The following MAP3K14 variants were observed in gnomAD, a reference collection of about 807,000 sequenced individuals.
MAP3K14 encodes the protein NF-kappa-beta-inducing kinase.
In MAP3K14, 16 loss-of-function variants were observed where a neutral mutation model predicts 99.2. The ratio of observed to expected loss-of-function variants is 0.16; its 90% CI spans 0.11 to 0.24. The LOEUF is 0.24. MAP3K14 is among the 10% of genes least tolerant of loss of function. The pLI, the probability that MAP3K14 is intolerant of heterozygous loss-of-function variation, is 1.00. For synonymous variants in MAP3K14, 462 were observed against 492.4 expected (o/e 0.94, Z 0.82); for missense variants, 784 against 1,208.7 (o/e 0.65, Z 5.21).
At position 45,287,322 on chromosome 17, in the gene MAP3K14, A is replaced by G. The variant is rs753259150; in HGVS notation, c.369T>C (p.His123=). 9.3e-6 allele frequency: 15 copies of G among 1,613,864 alleles called. No homozygotes were observed. In the African/African-American group the frequency reaches 1.7e-4, roughly 19 times the overall value. The change falls in exon 4 of 16, where the codon CAT becomes CAC. Residue 123 remains histidine (H), a synonymous_variant. Transcript: ENST00000344686. ...CACGGGCCATTTTGCCCTCTGTAGCATGGGCCACATTGTTGGGGATCTGAT... is the reference window on the plus strand; with the variant it reads ...CACGGGCCATTTTGCCCTCTGTAGCGTGGGCCACATTGTTGGGGATCTGAT... ...SLDQIPNNVA[H]ATEGKMARVC... is the part of the protein sequence containing the mutation.
intron 10 of MAP3K14, 191 bp downstream of exon 10, chr17:45,270,867 T>A (rs1325045070): frequency 1.2e-6 from 1 of 856,056 alleles, no homozygotes; most frequent in Non-Finnish European, 1.8e-6. Flanking sequence ...ATGAACTTGG[T>A]GAGCCTCCGC....
intron 6 of MAP3K14, among the ~76,000 whole-genome samples, chr17:45,283,243 G>A (rs565587299): frequency 4.6e-5 from 7 of 152,186 alleles, no homozygotes; most frequent in Non-Finnish European, 1.0e-4. Context: ...TCTCAAGAGG[G>A]ACAGCTGAGC....
chr17:45,316,183 T>C (rs1467677487), intron 1 of MAP3K14, among the ~76,000 whole-genome samples: 2 of 152,200 alleles, frequency 1.3e-5, no homozygotes, highest in Non-Finnish European at 2.9e-5. Flanking sequence ...AGAGCAACTT[T>C]TTAACCTCGA....
At position 45,264,265 on chromosome 17, in the gene MAP3K14, C is replaced by T. The variant is rs1400604005; in HGVS notation, c.*371G>A. Reference sequence around the variant, plus strand: ...TGAGGGGCCGAGGGGCTCGCCCACCCCTTCTGACCCAGGCTGGAAGCTGCT... The same window carrying T: ...TGAGGGGCCGAGGGGCTCGCCCACCTCTTCTGACCCAGGCTGGAAGCTGCT... On this transcript the variant is annotated 3_prime_UTR_variant, in exon 16 of 16. Transcript: ENST00000344686. The T allele has an allele frequency of 5.3e-6, 1 of 189,502 alleles. No individual in the cohort carries two copies. The highest frequency in any genetic ancestry group is 2.3e-5 in the African/African-American group (1 of 42,556). 11.7% of individuals were successfully genotyped at this position (189,502 alleles called of 1,614,324 possible). A position where few individuals can be genotyped will look rare whatever the true frequency, so the allele number is the denominator to read the frequency against.
intron 2 of MAP3K14, among the ~76,000 whole-genome samples, chr17:45,289,528 C>T (rs1284970238): frequency 6.6e-6 from 1 of 152,180 alleles, no homozygotes; most frequent in African/African-American, 2.4e-5. Context: ...CAGCCACCTG[C>T]TCTGAAATAG....
In MAP3K14 at chr17:45,265,666, G is replaced by A. The variant is rs555846857; in HGVS notation, c.2579-403C>T. 2.0e-5 allele frequency among the ~76,000 whole-genome samples: 3 copies of A among 152,280 alleles called. No individual in the cohort carries two copies. In the East Asian group the frequency reaches 5.8e-4, roughly 29 times the overall value. On this transcript the variant is annotated intron_variant, in intron 14 of 15. Transcript: ENST00000344686. Reference sequence around the variant, plus strand: ...TTGGCCAGGCTGGTCTCGAACCCCTGACCTCATGTAATCCACCTGCCTTGG... The same window carrying A: ...TTGGCCAGGCTGGTCTCGAACCCCTAACCTCATGTAATCCACCTGCCTTGG...
chr17:45,286,513 G>C lies in MAP3K14; in HGVS notation c.1070C>G (p.Ala357Gly). 6.2e-7 allele frequency: 1 copy of C among 1,608,082 alleles called. No individual in the cohort carries two copies. The highest frequency in any genetic ancestry group is 8.5e-7 in the Non-Finnish European group (1 of 1,177,492). ...SGQAHSLTSL[A>G]KTWAARGSRS... Reference sequence around the variant, plus strand: ...GGAGCCCCTTGCTGCCCAGGTCTTGGCCAGGCTGGTCAGGCTGTGGGCCTG... The same window carrying C: ...GGAGCCCCTTGCTGCCCAGGTCTTGCCCAGGCTGGTCAGGCTGTGGGCCTG... Residue 357 changes from alanine to glycine, a missense_variant, in exon 5 of 16, where the codon GCC (alanine) becomes GGC (glycine). By Grantham distance (60) the Ala-to-Gly change is moderately conservative. Coordinates refer to ENST00000344686, the MANE Select transcript of MAP3K14 (RefSeq NM_003954.5). This position sits in a 1 kb window ranked among gnomAD's most constrained non-coding sequence, Gnocchi z 4.1.
chr17:45,284,825 C>A lies in MAP3K14; in HGVS notation c.1277G>T (p.Cys426Phe). The A allele has an allele frequency of 6.3e-7, 1 of 1,595,264 alleles. No homozygotes were observed. Among genetic ancestry groups the A allele is most frequent in the Non-Finnish European group, 8.5e-7 (1 of 1,171,428 alleles). The change falls in exon 6 of 16, where the codon TGC (cysteine) becomes TTC (phenylalanine). Residue 426 changes from cysteine (C) to phenylalanine (F), a missense_variant. Coordinates refer to ENST00000344686, the MANE Select transcript of MAP3K14 (RefSeq NM_003954.5). ...RMEDKQTGFQ[C>F]AVKKVRLEVF... is the part of the protein sequence containing the mutation. ...GCCCTGGCGTACCTTTTTGACAGCG[C>A]ACTGGAAGCCAGTCTGCTTGTCCTC...
rs780652277 is a variant in MAP3K14 at position 45,286,998 on chromosome 17, C to T, written c.585G>A (p.Gln195=). ...LGAPYVRNTP[Q]FTKPLKEPGL... Reference sequence around the variant, plus strand: ...CTGGTTCCTTCAGAGGCTTGGTGAACTGCGGGGTGTTTCTAACATATGGGG... The same window carrying T: ...CTGGTTCCTTCAGAGGCTTGGTGAATTGCGGGGTGTTTCTAACATATGGGG... The change falls in exon 5 of 16, where the codon CAG becomes CAA. Residue 195 remains glutamine, a synonymous_variant. Transcript: ENST00000344686. The surrounding 1 kb of genome is among the most constrained non-coding windows in gnomAD (Gnocchi z 4.1). 1.2e-6 allele frequency: 2 copies of T among 1,613,808 alleles called. No homozygotes were observed. The highest frequency in any genetic ancestry group is 1.3e-5 in the African/African-American group (1 of 74,936).
intron 1 of MAP3K14, among the ~76,000 whole-genome samples, chr17:45,295,916 C>G (rs1209483956): frequency 1.3e-5 from 2 of 152,196 alleles, no homozygotes; most frequent in African/African-American, 4.8e-5. Context: ...GCCAAGGTAT[C>G]TTGAGCCTTA....
At chr17:45,284,686 A>G in intron 6 of MAP3K14, 126 bp downstream of exon 6, 1 of 1,277,852 alleles carries the variant, frequency 7.8e-7, no homozygotes. Flanking sequence ...GGCTAGTGAT[A>G]GCCAAGTTCT....
intron 5 of MAP3K14, among the ~76,000 whole-genome samples, chr17:45,285,908 T>C (rs994861132): frequency 6.7e-6 from 1 of 149,684 alleles, no homozygotes; most frequent in South Asian, 2.1e-4. Flanking sequence ...GCTATGATTG[T>C]ACGACTGCAC....
At chr17:45,293,040 G>T (rs373391671) in intron 1 of MAP3K14, among the ~76,000 whole-genome samples, 2 of 152,214 alleles carry the variant, frequency 1.3e-5, no homozygotes, top group African/African-American at 4.8e-5. Context: ...TGAGGGAAGA[G>T]GTGGGGCCCT....
intron 2 of MAP3K14, 68 bp downstream of exon 2, chr17:45,290,422 C>T (rs1228986692): frequency 5.0e-6 from 8 of 1,588,576 alleles, no homozygotes; most frequent in Non-Finnish European, 6.9e-6. Flanking sequence ...TAGGGAACCC[C>T]TGGGCCCAGC....
intron 6 of MAP3K14, among the ~76,000 whole-genome samples, chr17:45,276,597 C>T (rs910592983): frequency 7.9e-5 from 12 of 151,828 alleles, no homozygotes; most frequent in East Asian, 1.9e-4. Context: ...TTACAACCTC[C>T]GCCTCCTGGG....
intron 1 of MAP3K14, among the ~76,000 whole-genome samples, chr17:45,308,675 T>TC (rs1358264289): frequency 6.6e-6 from 1 of 151,596 alleles, no homozygotes; most frequent in Non-Finnish European, 1.5e-5. Context: ...GCTAATCTTT[T>TC]TTTTTTTTTT....
chr17:45,293,541 A>G (rs192305206), intron 1 of MAP3K14, among the ~76,000 whole-genome samples: 1 of 152,348 alleles, frequency 6.6e-6, no homozygotes, highest in East Asian at 1.9e-4. Context: ...CTCATCCAAC[A>G]GCCTGGCAGG....
chr17:45,284,421 C>T (rs11574823), intron 6 of MAP3K14, among the ~76,000 whole-genome samples: 1,697 of 152,368 alleles, frequency 0.011, 19 homozygotes, highest in Middle Eastern at 0.054. Flanking sequence ...CAGGTGGAGG[C>T]TACTGCTTTC....
rs947142259 is a variant in MAP3K14 at position 45,289,246 on chromosome 17, T to G, written c.316A>C (p.Lys106Gln). The G allele has an allele frequency of 6.2e-7, 1 of 1,613,822 alleles. No homozygotes were observed. Among genetic ancestry groups the G allele is most frequent in the Non-Finnish European group, 8.5e-7 (1 of 1,179,848 alleles). The change falls in exon 3 of 16, where the codon AAA (lysine) becomes CAA (glutamine). Residue 106 changes from lysine to glutamine, a missense_variant. This residue lies in a region of MAP3K14 where 188 missense variants were observed against 313.0 expected (regional missense o/e 0.60). Coordinates refer to ENST00000344686, the MANE Select transcript of MAP3K14 (RefSeq NM_003954.5). ...FSERIFIAGS[K>Q]QYSQSESLDQ... ...GTCTCCCCTGCTTACCTGTACTGTTTGGACCCAGCGATGAAAATGCGTTCT... is the reference window on the plus strand; with the variant it reads ...GTCTCCCCTGCTTACCTGTACTGTTGGGACCCAGCGATGAAAATGCGTTCT...
Sources: gnomAD v4.1 joint callset for allele counts (sites outside exome capture counted in the v4.1 genomes callset) on GRCh38, gnomAD v4.1.1 for gene constraint, gnomAD v4.1.1 regional missense constraint, Gnocchi (gnomAD v3.1) non-coding constraint, MANE v1.5 for transcripts, NCBI Gene and HGNC (gene_info 2026-07-23, HGNC 2026-07-21) for gene names.